MAST4: variants seen among roughly 807,000 people sequenced by gnomAD.
MAST4 encodes the protein microtubule-associated serine/threonine-protein kinase 4.
A neutral mutation model predicts 162.7 loss-of-function variants in MAST4; 89 were observed. The observed-to-expected ratio is 0.55, with a 90% CI of 0.46 to 0.65. MAST4 has a LOEUF of 0.65. Ranked by LOEUF, MAST4 falls within the 30% of genes least tolerant of loss-of-function variation. The pLI is 0.00. For missense variants in MAST4, 3,153 were observed against 3,374.0 expected, an observed-to-expected ratio of 0.93 and a Z score of 1.62; for synonymous variants, 1,479 against 1,361.1, an observed-to-expected ratio of 1.09 and a Z score of -1.91.
At chr5:66,864,816 A>C (rs1302646746) in intron 3 of MAST4, among the ~76,000 whole-genome samples, 1 of 152,160 alleles carries the variant, frequency 6.6e-6, no homozygotes, top group African/African-American at 2.4e-5. Context: ...TGGCCTCCAG[A>C]GCTGTGAGAC....
intron 4 of MAST4, among the ~76,000 whole-genome samples, chr5:66,993,186 G>A (rs1750240152): frequency 6.6e-6 from 1 of 152,176 alleles, no homozygotes; most frequent in African/African-American, 2.4e-5. Flanking sequence ...AATAATGACA[G>A]TGCTTTAAAA....
At chr5:66,721,977 C>G (rs1751239326) in intron 1 of MAST4, among the ~76,000 whole-genome samples, 1 of 152,062 alleles carries the variant, frequency 6.6e-6, no homozygotes, top group Non-Finnish European at 1.5e-5. Flanking sequence ...TGCTGCTACC[C>G]TGGTCTAAAA....
At chr5:66,756,187 G>C (rs1409311255) in intron 1 of MAST4, among the ~76,000 whole-genome samples, 1 of 152,158 alleles carries the variant, frequency 6.6e-6, no homozygotes, top group African/African-American at 2.4e-5. Flanking sequence ...TAATATTAAA[G>C]GAATCCTTCC....
intron 4 of MAST4, chr5:66,917,019 GT>G: frequency 1.4e-6 from 1 of 717,962 alleles, no homozygotes; most frequent in Non-Finnish European, 2.6e-6. Flanking sequence ...TGGTCAAACG[GT>G]ATGTGTATTT....
chr5:67,038,577 G>A (rs1756327699), intron 4 of MAST4, among the ~76,000 whole-genome samples: 1 of 152,124 alleles, frequency 6.6e-6, no homozygotes, highest in African/African-American at 2.4e-5. Context: ...TGGAGTGGAA[G>A]TTAACTTTGT....
rs779543385 is a variant in MAST4 at position 66,659,204 on chromosome 5, G to C, written c.363+62186G>C. ...CAAGCCAGGAACAGCCTGAAGCCTG[G>C]AGACTGGGCTGCCAGTTCTGGGGGA... On this transcript the variant is annotated intron_variant, in intron 1 of 28. Coordinates refer to ENST00000403625, the MANE Select transcript of MAST4 (RefSeq NM_001164664.2). Among the ~76,000 whole-genome samples the C allele has an allele frequency of 1.2e-3, 179 of 152,292 alleles. 3 individuals carry two copies. Among genetic ancestry groups the C allele is most frequent in the Non-Finnish European group, 5.9e-4 (40 of 68,016 alleles).
chr5:66,879,580 C>T (rs909827920), intron 3 of MAST4, among the ~76,000 whole-genome samples: 9 of 152,198 alleles, frequency 5.9e-5, no homozygotes, highest in Admixed American at 3.9e-4. Context: ...CCATCACTCA[C>T]GGCTCACTGT....
intron 24 of MAST4, 127 bp from the exon 25 acceptor site, chr5:67,152,510 A>G (rs1260703365): frequency 1.4e-5 from 10 of 713,450 alleles, no homozygotes; most frequent in Non-Finnish European, 1.7e-5. Context: ...TCATTTTGCT[A>G]TTGGAAACAA....
intron 4 of MAST4, among the ~76,000 whole-genome samples, chr5:66,934,984 A>G (rs1209930641): frequency 6.6e-6 from 1 of 152,206 alleles, no homozygotes; most frequent in Non-Finnish European, 1.5e-5. Flanking sequence ...TTTTTTCAGT[A>G]GGTAAGGATG....
At chr5:67,112,160 A>G (rs1052492374) in intron 11 of MAST4, among the ~76,000 whole-genome samples, 1 of 152,144 alleles carries the variant, frequency 6.6e-6, no homozygotes, top group Non-Finnish European at 1.5e-5. Flanking sequence ...GGAAATATCC[A>G]GGAAATATAT....
At chr5:67,093,508 T>C in intron 6 of MAST4, 1 of 342,342 alleles carries the variant, frequency 2.9e-6, no homozygotes, top group Non-Finnish European at 6.1e-6. Flanking sequence ...TGTGCTCCAT[T>C]TGAGTAAATA....
At chr5:67,046,346 T>G (rs1014062477) in intron 4 of MAST4, among the ~76,000 whole-genome samples, 1 of 152,214 alleles carries the variant, frequency 6.6e-6, no homozygotes, top group African/African-American at 2.4e-5. Context: ...TAGTGTATTC[T>G]GTAAAATTCT....
chr5:67,162,547 T>C, intron 27 of MAST4, 60 bp from the exon 28 acceptor site: 2 of 1,506,212 alleles, frequency 1.3e-6, no homozygotes, highest in East Asian at 4.5e-5. Context: ...CAATGGTATT[T>C]TGGGGAGGCA....
intron 3 of MAST4, among the ~76,000 whole-genome samples, chr5:66,873,944 G>A (rs1158033980): frequency 6.6e-6 from 1 of 151,980 alleles, no homozygotes; most frequent in Non-Finnish European, 1.5e-5. Flanking sequence ...GGGAAAATAT[G>A]GGCCAGAAAT....
chr5:66,859,105 T>C (rs1329947486), intron 3 of MAST4, among the ~76,000 whole-genome samples: 2 of 152,164 alleles, frequency 1.3e-5, no homozygotes, highest in African/African-American at 4.8e-5. Flanking sequence ...GCAAATAGAA[T>C]AGCTTTCTAG....
chr5:66,756,107 T>C (rs553643809), intron 1 of MAST4, among the ~76,000 whole-genome samples: 1 of 152,344 alleles, frequency 6.6e-6, no homozygotes, highest in East Asian at 1.9e-4. Context: ...GATAAACTGC[T>C]AGCAAGAGCG....
intron 3 of MAST4, among the ~76,000 whole-genome samples, chr5:66,844,050 G>A (rs898352370): frequency 4.6e-5 from 7 of 151,564 alleles, no homozygotes; most frequent in African/African-American, 1.2e-4. Flanking sequence ...AGCCCTTCCC[G>A]TCATTGTCAG....
At chr5:66,707,198 A>G (rs1750190387) in intron 1 of MAST4, among the ~76,000 whole-genome samples, 1 of 152,198 alleles carries the variant, frequency 6.6e-6, no homozygotes, top group Admixed American at 6.5e-5. Context: ...GGTGATGTTG[A>G]AAGTGCTAGA....
chr5:66,842,612 AT>A lies in MAST4; in HGVS notation c.642+53822del, dbSNP rs548130083. Among the ~76,000 whole-genome samples, 731 of 152,220 alleles carry A rather than the reference AT, an allele frequency of 4.8e-3. 9 individuals carry two copies. The highest frequency in any genetic ancestry group is 4.3e-3 in the Non-Finnish European group (291 of 68,024). The stretch of plus-strand genomic sequence containing the variant: ...TCTTCAACATACTTGCTTTGAAATT[AT>A]TTTGATCTGTATCAGCAGGAATAGG... On this transcript the variant is annotated intron_variant, in intron 3 of 28. Coordinates refer to ENST00000403625, the MANE Select transcript of MAST4 (RefSeq NM_001164664.2).
Sources: allele counts gnomAD v4.1 joint callset (sites outside exome capture counted in the v4.1 genomes callset), GRCh38; gene constraint gnomAD v4.1.1; transcripts MANE v1.5; gene names NCBI Gene and HGNC (gene_info 2026-07-23, HGNC 2026-07-21).